Variants in SGCD observed in about 807,000 individuals in gnomAD.
SGCD encodes sarcoglycan delta.
Under a neutral mutation model 36.6 loss-of-function variants are expected in SGCD, and 18 were observed. The ratio of observed to expected loss-of-function variants is 0.49; its 90% CI spans 0.34 to 0.73. SGCD has a LOEUF of 0.73. Among genes scored for constraint, SGCD ranks in the 30% least tolerant of loss-of-function variants. SGCD has a pLI of 0.01. For synonymous variants in SGCD, 133 were observed against 130.6 expected (o/e 1.02, Z -0.12); for missense variants, 387 against 346.7 (o/e 1.12, Z -0.92).
At chr5:156,161,490 C>T (rs765244777) in intron 3 of SGCD, among the ~76,000 whole-genome samples, 1 of 151,844 alleles carries the variant, frequency 6.6e-6, no homozygotes, top group Non-Finnish European at 1.5e-5. Context: ...CCAAGGGCAT[C>T]GTCTGTTGTC....
At chr5:156,182,321 G>A (rs1179646725) in intron 3 of SGCD, among the ~76,000 whole-genome samples, 1 of 152,222 alleles carries the variant, frequency 6.6e-6, no homozygotes, top group African/African-American at 2.4e-5. Flanking sequence ...GCTGGGCATG[G>A]TGACTCATGT....
At chr5:156,609,310 G>A (rs1377942450) in intron 6 of SGCD, among the ~76,000 whole-genome samples, 2 of 152,068 alleles carry the variant, frequency 1.3e-5, no homozygotes. Context: ...ATGAAGCTTA[G>A]TTTGGCTGGA....
In SGCD at chr5:156,702,798, T is replaced by C. The variant is rs1321436062; in HGVS notation, c.576-54783T>C. ...TGTCTTTTGAGTGAGGCATTAGCTG[T>C]CCTTTGTTTTAAACTATCTTCTCAA... On this transcript the variant is annotated intron_variant, in intron 7 of 8. Transcript: ENST00000337851. 2.6e-5 allele frequency among the ~76,000 whole-genome samples: 4 copies of C among 152,048 alleles called. No individual in the cohort carries two copies. In the East Asian group the frequency reaches 7.8e-4, roughly 30 times the overall value.
At chr5:156,213,719 A>C (rs564699090) in intron 3 of SGCD, among the ~76,000 whole-genome samples, 1 of 152,190 alleles carries the variant, frequency 6.6e-6, no homozygotes, top group South Asian at 2.1e-4. Flanking sequence ...AAACATCTTC[A>C]ACAAAATACT....
intron 1 of SGCD, among the ~76,000 whole-genome samples, chr5:156,060,930 C>T (rs751690122): frequency 1.4e-5 from 2 of 145,300 alleles, no homozygotes; most frequent in Non-Finnish European, 3.1e-5. Flanking sequence ...TTCCCATATG[C>T]CACCTCATTT....
At chr5:156,531,173 T>C (rs1358787887) in intron 4 of SGCD, among the ~76,000 whole-genome samples, 1 of 152,182 alleles carries the variant, frequency 6.6e-6, no homozygotes, top group East Asian at 1.9e-4. Flanking sequence ...TCTTCTGCCA[T>C]GTGAGGACAT....
chr5:156,625,689 A>G (rs1762414178), intron 6 of SGCD, among the ~76,000 whole-genome samples: 1 of 152,166 alleles, frequency 6.6e-6, no homozygotes, highest in South Asian at 2.1e-4. Context: ...TAATGTCCTA[A>G]TGTAAGTGCT....
At chr5:156,353,610 G>A (rs756688363) in intron 3 of SGCD, among the ~76,000 whole-genome samples, 13 of 152,144 alleles carry the variant, frequency 8.5e-5, no homozygotes, top group Non-Finnish European at 1.6e-4. Context: ...AGTAGCATCC[G>A]CTTCAATGCG....
At chr5:155,967,012 T>C (rs1350974355) in intron 1 of SGCD, among the ~76,000 whole-genome samples, 1 of 151,928 alleles carries the variant, frequency 6.6e-6, no homozygotes, top group Non-Finnish European at 1.5e-5. Flanking sequence ...TATTTGTGTG[T>C]GTATGTGTGT....
chr5:155,848,894 T>A, the SGCD span, among the ~76,000 whole-genome samples: 1 of 152,208 alleles, frequency 6.6e-6, no homozygotes, highest in Non-Finnish European at 1.5e-5. Flanking sequence ...ACATAAAATA[T>A]ATTCGGTAAA....
At chr5:156,743,354 A>G (rs1346459451) in intron 7 of SGCD, among the ~76,000 whole-genome samples, 3 of 152,082 alleles carry the variant, frequency 2.0e-5, no homozygotes, top group Non-Finnish European at 4.4e-5. Context: ...TCAGGTGATC[A>G]ACCTGCCTTG....
intron 4 of SGCD, among the ~76,000 whole-genome samples, chr5:156,521,282 C>T (rs971753301): frequency 3.9e-5 from 6 of 152,096 alleles, no homozygotes; most frequent in South Asian, 2.1e-4. Flanking sequence ...CCATTCAGGA[C>T]GTAGGCATGG....
chr5:156,200,699 T>C (rs1764126213), intron 3 of SGCD, among the ~76,000 whole-genome samples: 1 of 152,134 alleles, frequency 6.6e-6, no homozygotes, highest in Non-Finnish European at 1.5e-5. Flanking sequence ...AAGCCAAATA[T>C]TTAATTACCA....
In SGCD at chr5:156,368,382, C is replaced by A. The variant is rs746850974; in HGVS notation, c.192+23705C>A. 2.0e-5 allele frequency among the ~76,000 whole-genome samples: 3 copies of A among 152,276 alleles called. No individual in the cohort carries two copies. The East Asian group carries it at 5.8e-4, about 29-fold the overall frequency. On this transcript the variant is annotated intron_variant, in intron 3 of 8. Coordinates refer to ENST00000337851, the MANE Select transcript of SGCD (RefSeq NM_000337.6). ...CTGGGATTACAGGCGTGAGCCACTG[C>A]GCCTGGCCTGTACTCATGCTTTTTA...
intron 3 of SGCD, among the ~76,000 whole-genome samples, chr5:156,437,649 C>T (rs945316721): frequency 4.6e-5 from 7 of 152,048 alleles, no homozygotes; most frequent in Non-Finnish European, 2.9e-5. Context: ...AACAGAGTCC[C>T]GGTAACAGAT....
At chr5:155,746,627 C>T in the SGCD span, among the ~76,000 whole-genome samples, 1 of 152,088 alleles carries the variant, frequency 6.6e-6, no homozygotes, top group Non-Finnish European at 1.5e-5. Context: ...TAGTTTCCAG[C>T]TTCTGTCTTA....
chr5:155,821,311 GT>G, the SGCD span, among the ~76,000 whole-genome samples: 21 of 147,990 alleles, frequency 1.4e-4, no homozygotes, highest in Admixed American at 2.7e-4. Flanking sequence ...TCATTGAAGA[GT>G]TTTTTTTTTT....
intron 3 of SGCD, among the ~76,000 whole-genome samples, chr5:156,186,387 C>A (rs988544505): frequency 6.6e-5 from 10 of 152,050 alleles, no homozygotes; most frequent in African/African-American, 2.4e-4. Context: ...TTGAAGATAC[C>A]GCCAAATCAT....
At chr5:155,730,891 T>C in the SGCD span, among the ~76,000 whole-genome samples, 1 of 152,166 alleles carries the variant, frequency 6.6e-6, no homozygotes, top group East Asian at 1.9e-4. Flanking sequence ...TGGCAGCAGA[T>C]CATCAAGGAT....
Sources: gnomAD v4.1 joint callset for allele counts (sites outside exome capture counted in the v4.1 genomes callset) on GRCh38, gnomAD v4.1.1 for gene constraint, MANE v1.5 for transcripts, NCBI Gene and HGNC (gene_info 2026-07-23, HGNC 2026-07-21) for gene names.